Variants in TMEM266 observed in about 807,000 individuals in gnomAD.
The protein encoded by TMEM266 is transmembrane protein 266, also known as Hv1 related protein 1.
A neutral mutation model predicts 50.5 loss-of-function variants in TMEM266; 33 were observed. The observed-to-expected ratio is 0.65, with a 90% CI of 0.50 to 0.87. TMEM266 has a LOEUF of 0.87. Ranked by LOEUF, TMEM266 falls within the 40% of genes least tolerant of loss-of-function variation. TMEM266 has a pLI of 0.00. For synonymous variants in TMEM266, 310 were observed against 292.3 expected (o/e 1.06, Z -0.62); for missense variants, 655 against 695.1 (o/e 0.94, Z 0.65).
rs74670014 is a variant in TMEM266, at chr15:76,180,509, C to T, written c.768+4835C>T. On this transcript the variant is annotated intron_variant, in intron 8 of 10. Transcript: ENST00000388942. ...TCACATCAAGAGGACACACTGGCCA[C>T]GTGACTTCTCACTGTGATGCGGCCT... Among the ~76,000 whole-genome samples the T allele has an allele frequency of 9.9e-5, 15 of 150,798 alleles. No homozygotes were observed. In the East Asian group the frequency reaches 3.0e-3, roughly 30 times the overall value.
chr15:76,084,419 G>A (rs1463659873), intron 1 of TMEM266, among the ~76,000 whole-genome samples: 3 of 152,200 alleles, frequency 2.0e-5, no homozygotes, highest in Non-Finnish European at 4.4e-5. Context: ...ATACAAAGAT[G>A]TAAAAAGACT....
intron 1 of TMEM266, among the ~76,000 whole-genome samples, chr15:76,119,391 CAA>C (rs57532855): frequency 0.028 from 3,059 of 109,664 alleles, 90 homozygotes; most frequent in African/African-American, 0.091. Context: ...GGGTTTATGG[CAA>C]AAAAAAAAAA....
chr15:76,175,278 C>T (rs923173964), intron 7 of TMEM266: 8 of 308,722 alleles, frequency 2.6e-5, no homozygotes, highest in Non-Finnish European at 4.9e-5. Flanking sequence ...GCAAAGGAGG[C>T]TGGAAAATAG....
At position 76,204,164 on chromosome 15, in the gene TMEM266, TAA is replaced by T; in HGVS notation, c.1446_1447del (p.Leu484ValfsTer46). 1 of 1,613,126 alleles carries T rather than the reference TAA, an allele frequency of 6.2e-7. No individual in the cohort carries two copies. The highest frequency in any genetic ancestry group is 8.5e-7 in the Non-Finnish European group (1 of 1,179,878). ...ACCAGCCCCGAGCTGGAACACAGGG[TAA>T]GTCTGTTCAACCAGAAGAACCAGGA... On this transcript the variant is annotated frameshift_variant, in exon 11 of 11. Transcript: ENST00000388942. LOFTEE classifies it high-confidence loss of function.
chr15:76,188,788 T>C (rs2038525583), intron 8 of TMEM266, among the ~76,000 whole-genome samples: 1 of 152,128 alleles, frequency 6.6e-6, no homozygotes, highest in Admixed American at 6.5e-5. Flanking sequence ...AGCCAAACCA[T>C]ATCAAGCATG....
In TMEM266 at chr15:76,115,391, GT is replaced by G. The variant is rs1476616254; in HGVS notation, c.-96-18775del. Among the ~76,000 whole-genome samples the G allele has an allele frequency of 3.9e-5, 6 of 152,306 alleles. No homozygotes were observed. In the East Asian group the frequency reaches 1.2e-3, roughly 29 times the overall value. The stretch of plus-strand genomic sequence containing the variant: ...TCAGGACTTAGGTTCATTTTCAGAT[GT>G]TAAAACATCCCACCTAAATCAAAAC... On this transcript the variant is annotated intron_variant, in intron 1 of 10. Transcript: ENST00000388942.
At chr15:76,072,923 A>G (rs1162417515) in intron 1 of TMEM266, among the ~76,000 whole-genome samples, 1 of 147,996 alleles carries the variant, frequency 6.8e-6, no homozygotes, top group Non-Finnish European at 1.5e-5. Flanking sequence ...GGCATAAGCC[A>G]CTGCATCCAG....
At position 76,168,988 on chromosome 15, in the gene TMEM266, A is replaced by G. The variant is rs1467214564; in HGVS notation, c.457-828A>G. On this transcript the variant is annotated intron_variant, in intron 5 of 10. Transcript: ENST00000388942. The surrounding 1 kb of genome is among the most constrained non-coding windows in gnomAD (Gnocchi z 4.4). Reference sequence around the variant, plus strand: ...CAGGGGCTTAAACAAGGCAAGGTCCATTTCTCTCTCACGGAAAAACACATT... The same window carrying G: ...CAGGGGCTTAAACAAGGCAAGGTCCGTTTCTCTCTCACGGAAAAACACATT... Among the ~76,000 whole-genome samples the G allele has an allele frequency of 6.6e-6, 1 of 152,188 alleles. No individual in the cohort carries two copies. The highest frequency in any genetic ancestry group is 1.5e-5 in the Non-Finnish European group (1 of 68,040).
intron 1 of TMEM266, among the ~76,000 whole-genome samples, chr15:76,107,238 G>C (rs2037096474): frequency 6.6e-6 from 1 of 152,028 alleles, no homozygotes; most frequent in South Asian, 2.1e-4. Context: ...GAGATATTTT[G>C]CATTCTTTCA....
intron 1 of TMEM266, among the ~76,000 whole-genome samples, chr15:76,130,231 A>C (rs930786857): frequency 4.1e-4 from 51 of 123,518 alleles, no homozygotes; most frequent in African/African-American, 1.5e-3. Context: ...AAAAAAAAAA[A>C]AAAAAAAAAA....
intron 1 of TMEM266, among the ~76,000 whole-genome samples, chr15:76,074,957 A>C (rs1275686630): frequency 6.6e-6 from 1 of 152,106 alleles, no homozygotes; most frequent in African/African-American, 2.4e-5. Context: ...GATTAACTTC[A>C]AGGTGTTTGG....
At chr15:76,201,453 G>A (rs926492940) in intron 9 of TMEM266, among the ~76,000 whole-genome samples, 9 of 152,160 alleles carry the variant, frequency 5.9e-5, no homozygotes, top group Admixed American at 5.2e-4. Flanking sequence ...GTGCAGTGGT[G>A]TGATCACAGC....
intron 1 of TMEM266, among the ~76,000 whole-genome samples, chr15:76,103,416 C>T (rs987740686): frequency 1.5e-4 from 23 of 150,574 alleles, no homozygotes; most frequent in African/African-American, 5.6e-4. Context: ...GGGAGGATTG[C>T]TTGAGCCCAG....
At chr15:76,144,319 C>T (rs1000785621) in intron 3 of TMEM266, among the ~76,000 whole-genome samples, 1 of 152,204 alleles carries the variant, frequency 6.6e-6, no homozygotes, top group South Asian at 2.1e-4. Flanking sequence ...CAAAGCTACA[C>T]GAAGCCTGCT....
chr15:76,124,430 A>T (rs1353846072), intron 1 of TMEM266, among the ~76,000 whole-genome samples: 2 of 152,218 alleles, frequency 1.3e-5, no homozygotes, highest in Admixed American at 1.3e-4. Flanking sequence ...ATGTTCATAG[A>T]TTGGAATAAT....
intron 9 of TMEM266, among the ~76,000 whole-genome samples, chr15:76,198,493 C>T (rs2038690011): frequency 6.6e-6 from 1 of 152,252 alleles, no homozygotes; most frequent in African/African-American, 2.4e-5. Context: ...CACCCCTTCG[C>T]TCCCAGATCC....
At chr15:76,119,729 A>G (rs908229750) in intron 1 of TMEM266, among the ~76,000 whole-genome samples, 1 of 152,102 alleles carries the variant, frequency 6.6e-6, no homozygotes, top group African/African-American at 2.4e-5. Context: ...ATCGTGCCAC[A>G]GCACTCCAGC....
At chr15:76,200,275 A>G (rs1258533357) in intron 9 of TMEM266, among the ~76,000 whole-genome samples, 1 of 152,162 alleles carries the variant, frequency 6.6e-6, no homozygotes, top group Admixed American at 6.5e-5. Context: ...GGGACTGGCC[A>G]AGATGCCTCC....
intron 3 of TMEM266, among the ~76,000 whole-genome samples, chr15:76,152,753 C>T (rs991228319): frequency 2.0e-5 from 3 of 152,174 alleles, no homozygotes; most frequent in Admixed American, 1.3e-4. Flanking sequence ...ATCCTTTACC[C>T]GTCCTAATCC....
Sources: allele counts gnomAD v4.1 joint callset (sites outside exome capture counted in the v4.1 genomes callset), GRCh38; gene constraint gnomAD v4.1.1; non-coding constraint Gnocchi (gnomAD v3.1); transcripts MANE v1.5; gene names NCBI Gene and HGNC (gene_info 2026-07-23, HGNC 2026-07-21).